Variants in ATL2 observed in about 807,000 individuals in gnomAD.
ATL2 encodes atlastin GTPase 2, also known as atlastin-2.
In ATL2, 31 loss-of-function variants were observed where a neutral mutation model predicts 73.9. The ratio of observed to expected loss-of-function variants is 0.42; its 90% CI spans 0.32 to 0.57. The LOEUF is 0.57. Among genes scored for constraint, ATL2 ranks in the 20% least tolerant of loss-of-function variants. The pLI is 0.14. For missense variants in ATL2, 738 were observed against 702.6 expected (o/e 1.05, Z -0.57); for synonymous variants, 291 against 237.5 (o/e 1.23, Z -2.07).
At chr2:38,361,643 T>A (rs1028589908) in intron 1 of ATL2, among the ~76,000 whole-genome samples, 2 of 152,216 alleles carry the variant, frequency 1.3e-5, no homozygotes, top group African/African-American at 2.4e-5. Context: ...ATTAGATTAA[T>A]GCAATGGCTA....
At chr2:38,324,547 C>G (rs1278307526) in intron 2 of ATL2, among the ~76,000 whole-genome samples, 2 of 152,192 alleles carry the variant, frequency 1.3e-5, no homozygotes, top group African/African-American at 2.4e-5. Flanking sequence ...AACTTTAAAA[C>G]AGTTTAAAAC....
At chr2:38,371,887 G>A (rs1409076325) in intron 1 of ATL2, among the ~76,000 whole-genome samples, 1 of 152,030 alleles carries the variant, frequency 6.6e-6, no homozygotes, top group Non-Finnish European at 1.5e-5. Context: ...ACAGAGGGAG[G>A]CTCTGTCTCA....
At chr2:38,311,778 T>C (rs571827960) in intron 7 of ATL2, among the ~76,000 whole-genome samples, 5 of 152,306 alleles carry the variant, frequency 3.3e-5, no homozygotes, top group African/African-American at 1.2e-4. Flanking sequence ...CACTTATGAT[T>C]TGAGCAATTT....
intron 1 of ATL2, among the ~76,000 whole-genome samples, chr2:38,345,503 GA>G (rs536431686): frequency 5.3e-5 from 8 of 152,256 alleles, no homozygotes; most frequent in South Asian, 4.1e-4. Flanking sequence ...AAAATGTGCT[GA>G]AAACAATGAC....
At chr2:38,361,052 T>C (rs1304985485) in intron 1 of ATL2, among the ~76,000 whole-genome samples, 1 of 151,842 alleles carries the variant, frequency 6.6e-6, no homozygotes, top group Non-Finnish European at 1.5e-5. Flanking sequence ...CAACGTGGAA[T>C]GAAAAAAATT....
intron 2 of ATL2, among the ~76,000 whole-genome samples, chr2:38,319,565 C>T (rs1215145218): frequency 6.6e-6 from 1 of 150,624 alleles, no homozygotes; most frequent in Non-Finnish European, 1.5e-5. Flanking sequence ...TGCCACTATA[C>T]TCCAGCCTGG....
chr2:38,371,671 G>A (rs779640297), intron 1 of ATL2, among the ~76,000 whole-genome samples: 3 of 152,148 alleles, frequency 2.0e-5, no homozygotes, highest in African/African-American at 4.8e-5. Context: ...GCCAAGGTGG[G>A]TGGATCACCT....
At chr2:38,308,851 C>T (rs1667592859) in intron 9 of ATL2, among the ~76,000 whole-genome samples, 1 of 151,780 alleles carries the variant, frequency 6.6e-6, no homozygotes, top group South Asian at 2.1e-4. Flanking sequence ...ACAAAATACA[C>T]TCTTAGTTAA....
At chr2:38,341,606 G>T (rs1669723718) in intron 2 of ATL2, among the ~76,000 whole-genome samples, 1 of 152,140 alleles carries the variant, frequency 6.6e-6, no homozygotes, top group South Asian at 2.1e-4. Context: ...TAAAAGCCAT[G>T]TTCACACCAC....
chr2:38,323,492 C>G (rs1015352480), intron 2 of ATL2, among the ~76,000 whole-genome samples: 2 of 151,334 alleles, frequency 1.3e-5, no homozygotes, highest in Admixed American at 6.6e-5. Flanking sequence ...GCATGAGCCA[C>G]CATGCCCAGC....
rs560654511 is a variant in ATL2 at position 38,345,729 on chromosome 2, A to G, written c.119-2217T>C. 5.9e-5 allele frequency among the ~76,000 whole-genome samples: 9 copies of G among 152,356 alleles called. No homozygotes were observed. The East Asian group carries it at 1.7e-3, about 29-fold the overall frequency. ...CGTCTCATTAGGTAGGTCCAGATAA[A>G]TAACAAAACAGGATGCAAACGGTAT... On this transcript the variant is annotated intron_variant, in intron 1 of 12. Coordinates refer to ENST00000378954, the MANE Select transcript of ATL2 (RefSeq NM_001135673.4).
At chr2:38,311,649 C>T (rs766474745) in intron 7 of ATL2, among the ~76,000 whole-genome samples, 1 of 152,078 alleles carries the variant, frequency 6.6e-6, no homozygotes, top group Non-Finnish European at 1.5e-5. Flanking sequence ...AAAAACAAAG[C>T]CTGTGAGAAG....
At chr2:38,359,645 T>C (rs1020471959) in intron 1 of ATL2, 20 of 152,312 alleles carry the variant, frequency 1.3e-4, no homozygotes, top group Admixed American at 2.6e-4. Flanking sequence ...TGTCACAGAA[T>C]TTTTGCTGTT....
chr2:38,333,171 TG>T (rs1208610782), intron 2 of ATL2, among the ~76,000 whole-genome samples: 1 of 152,158 alleles, frequency 6.6e-6, no homozygotes. Context: ...GAGACCAAGC[TG>T]GGCTAAAAAG....
intron 2 of ATL2, among the ~76,000 whole-genome samples, chr2:38,339,167 G>C (rs1298510258): frequency 2.0e-5 from 3 of 152,130 alleles, no homozygotes; most frequent in African/African-American, 4.8e-5. Context: ...AGTGAGCCGA[G>C]ACTGCGCTAC....
intron 9 of ATL2, among the ~76,000 whole-genome samples, chr2:38,301,966 G>C (rs555203249): frequency 6.6e-6 from 1 of 152,306 alleles, no homozygotes; most frequent in African/African-American, 2.4e-5. Flanking sequence ...GAGTAAAGAG[G>C]ACTTTGTCTT....
chr2:38,359,171 T>C (rs897233236), intron 1 of ATL2, among the ~76,000 whole-genome samples: 2 of 152,198 alleles, frequency 1.3e-5, no homozygotes, highest in Admixed American at 6.6e-5. Flanking sequence ...AATAGACTTT[T>C]AAAAATGCTT....
chr2:38,352,129 C>A (rs924073903), intron 1 of ATL2, among the ~76,000 whole-genome samples: 2 of 18,782 alleles, frequency 1.1e-4, no homozygotes, highest in Non-Finnish European at 1.8e-4. Flanking sequence ...ACAAAAACAA[C>A]AACCAAAAAA....
At chr2:38,347,752 T>G (rs72902192) in intron 1 of ATL2, among the ~76,000 whole-genome samples, 1 of 150,846 alleles carries the variant, frequency 6.6e-6, no homozygotes, top group African/African-American at 2.5e-5. Flanking sequence ...TCAGGAGTCT[T>G]ACATCTGCCC....
Sources: gnomAD v4.1 joint callset for allele counts (sites outside exome capture counted in the v4.1 genomes callset) on GRCh38, gnomAD v4.1.1 for gene constraint, MANE v1.5 for transcripts, NCBI Gene and HGNC (gene_info 2026-07-23, HGNC 2026-07-21) for gene names.